Variants in FAM117A observed in about 807,000 individuals in gnomAD.
FAM117A encodes the protein protein FAM117A.
Under a neutral mutation model 44.1 loss-of-function variants are expected in FAM117A, and 21 were observed. The ratio of observed to expected loss-of-function variants is 0.48; its 90% CI spans 0.34 to 0.69. The LOEUF is 0.69. Ranked by LOEUF, FAM117A falls within the 30% of genes least tolerant of loss-of-function variation. The pLI is 0.01. For missense variants in FAM117A, 498 were observed against 589.9 expected (o/e 0.84, Z 1.61); for synonymous variants, 220 against 238.3 (o/e 0.92, Z 0.71).
Position 49,732,541 on chromosome 17 carries a change from GCTTCA to G in FAM117A, c.366+5_366+9del. 1.2e-6 allele frequency: 2 copies of G among 1,614,024 alleles called. No individual in the cohort carries two copies. The highest frequency in any genetic ancestry group is 1.7e-6 in the Non-Finnish European group (2 of 1,179,938). ...TTATCCCTTATCCCATCAGGAGAGA[GCTTCA>G]TTACCTGGGTGGCCTTGTCATTGGT... is the stretch of plus-strand genomic sequence containing the variant. On this transcript the variant is annotated splice_donor_5th_base_variant and intron_variant, in intron 2 of 7. Coordinates refer to ENST00000240364, the MANE Select transcript of FAM117A (RefSeq NM_030802.4).
intron 2 of FAM117A, among the ~76,000 whole-genome samples, chr17:49,727,225 G>A (rs1039979007): frequency 2.6e-5 from 4 of 151,984 alleles, no homozygotes; most frequent in African/African-American, 7.3e-5. Context: ...GGTCAACATG[G>A]TGAAACTCCG....
At chr17:49,769,871 C>T (rs1288562955) in intron 1 of FAM117A, among the ~76,000 whole-genome samples, 4 of 152,076 alleles carry the variant, frequency 2.6e-5, no homozygotes, top group Non-Finnish European at 5.9e-5. Flanking sequence ...AACAGATGCC[C>T]AGACAAGGGG....
In FAM117A at chr17:49,750,172, C is replaced by G. The variant is rs1009176675; in HGVS notation, c.196+13720G>C. On this transcript the variant is annotated intron_variant, in intron 1 of 7. Coordinates refer to ENST00000240364, the MANE Select transcript of FAM117A (RefSeq NM_030802.4). ...ATCTTTACACAGATTCGCCTATTAA[C>G]AGCTGCCCCATTTGCTTTACTGTTT... Among the ~76,000 whole-genome samples the G allele has an allele frequency of 1.3e-4, 20 of 148,890 alleles. 1 individual carries two copies. Among genetic ancestry groups the G allele is most frequent in the African/African-American group, 4.9e-4 (20 of 41,198 alleles).
chr17:49,711,758 CT>C (rs1758256288), intron 7 of FAM117A, among the ~76,000 whole-genome samples: 1 of 152,042 alleles, frequency 6.6e-6, no homozygotes, highest in Non-Finnish European at 1.5e-5. Flanking sequence ...TGCTCTTCAG[CT>C]AAAAAAAGGA....
At chr17:49,757,952 T>C (rs750655304) in intron 1 of FAM117A, among the ~76,000 whole-genome samples, 5 of 152,178 alleles carry the variant, frequency 3.3e-5, no homozygotes, top group African/African-American at 1.2e-4. Flanking sequence ...GACTGTCCAC[T>C]CTCACTAACT....
At chr17:49,737,584 C>T (rs931081489) in intron 1 of FAM117A, among the ~76,000 whole-genome samples, 1 of 152,182 alleles carries the variant, frequency 6.6e-6, no homozygotes, top group African/African-American at 2.4e-5. Context: ...CTGCTTCTCC[C>T]ATGCCCTCAT....
intron 1 of FAM117A, among the ~76,000 whole-genome samples, chr17:49,773,035 G>A (rs1345514060): frequency 6.6e-6 from 1 of 152,160 alleles, no homozygotes; most frequent in African/African-American, 2.4e-5. Flanking sequence ...GCCGGGCGTG[G>A]TGGCTCACAA....
intron 7 of FAM117A, among the ~76,000 whole-genome samples, chr17:49,715,926 T>C (rs570351225): frequency 2.0e-4 from 30 of 152,378 alleles, no homozygotes; most frequent in African/African-American, 7.2e-4. Flanking sequence ...TCTTTCCAGC[T>C]CCTGCTGCGC....
intron 1 of FAM117A, among the ~76,000 whole-genome samples, chr17:49,750,603 C>G (rs570503341): frequency 6.6e-6 from 1 of 151,518 alleles, no homozygotes; most frequent in African/African-American, 2.4e-5. Context: ...GGTGAAACCC[C>G]CCATCTCTAC....
At chr17:49,767,777 G>A (rs546913523), upstream of FAM117A, among the ~76,000 whole-genome samples, 29 of 152,274 alleles carry the variant, frequency 1.9e-4, 1 homozygote, top group Admixed American at 1.3e-3. Flanking sequence ...GGTGGCAGGT[G>A]CCTGTAATCC....
upstream of FAM117A, among the ~76,000 whole-genome samples, chr17:49,764,671 T>G (rs754785386): frequency 6.6e-6 from 1 of 152,178 alleles, no homozygotes; most frequent in Non-Finnish European, 1.5e-5. Context: ...CCTTATAGGA[T>G]CTCAGTGCTA....
At chr17:49,741,126 A>G (rs1365551148) in intron 1 of FAM117A, among the ~76,000 whole-genome samples, 1 of 152,052 alleles carries the variant, frequency 6.6e-6, no homozygotes, top group Non-Finnish European at 1.5e-5. Context: ...GAAGGACTAC[A>G]GAAGGAAAAT....
intron 1 of FAM117A, among the ~76,000 whole-genome samples, chr17:49,761,479 A>G (rs2073722246): frequency 1.3e-5 from 2 of 152,222 alleles, no homozygotes; most frequent in Non-Finnish European, 2.9e-5. Flanking sequence ...AGCACTTTCT[A>G]TCTATTAACT....
intron 3 of FAM117A, 89 bp from the exon 4 acceptor site, chr17:49,720,525 G>T: frequency 1.1e-6 from 1 of 933,428 alleles, no homozygotes; most frequent in Non-Finnish European, 1.7e-6. Flanking sequence ...TCCTGGCAGA[G>T]GCCCATGAAG....
chr17:49,748,279 T>C lies in FAM117A; in HGVS notation c.197-15559A>G, dbSNP rs2073661500. On this transcript the variant is annotated intron_variant, in intron 1 of 7. Coordinates refer to ENST00000240364, the MANE Select transcript of FAM117A (RefSeq NM_030802.4). ...ATTACCAATAAGTCCTAACCAAACC[T>C]CCAAGAACTAGAAGGTCCAGGCTCA... Among the ~76,000 whole-genome samples the C allele has an allele frequency of 2.0e-5, 3 of 152,120 alleles. 1 individual carries two copies. In the South Asian group the frequency reaches 6.2e-4, roughly 31 times the overall value.
chr17:49,770,777 G>C (rs1253988346), intron 1 of FAM117A, among the ~76,000 whole-genome samples: 1 of 152,000 alleles, frequency 6.6e-6, no homozygotes, highest in South Asian at 2.1e-4. Context: ...GGTGGTGCAC[G>C]CCTGTAGTCC....
chr17:49,722,202 G>A (rs2073538056), intron 3 of FAM117A, among the ~76,000 whole-genome samples: 1 of 152,192 alleles, frequency 6.6e-6, no homozygotes, highest in South Asian at 2.1e-4. Flanking sequence ...CAGTCTCTGA[G>A]CTGCTTATCT....
intron 1 of FAM117A, among the ~76,000 whole-genome samples, chr17:49,736,287 C>T (rs554109507): frequency 2.0e-5 from 3 of 150,622 alleles, no homozygotes; most frequent in African/African-American, 4.9e-5. Flanking sequence ...GACGGAGTCA[C>T]GCTTTGTCGC....
chr17:49,763,203 T>C (rs534451704), intron 1 of FAM117A, among the ~76,000 whole-genome samples: 1 of 151,448 alleles, frequency 6.6e-6, no homozygotes, highest in Admixed American at 6.6e-5. Context: ...ACAGCCATAT[T>C]AAGCAGGTCA....
Sources: gnomAD v4.1 joint callset for allele counts (sites outside exome capture counted in the v4.1 genomes callset) on GRCh38, gnomAD v4.1.1 for gene constraint, MANE v1.5 for transcripts, NCBI Gene and HGNC (gene_info 2026-07-23, HGNC 2026-07-21) for gene names.